Variants in NEMF observed in about 807,000 individuals in gnomAD.
NEMF encodes nuclear export mediator factor.
NEMF carries 89 observed loss-of-function variants against 162.2 expected under a neutral mutation model. That is an observed-to-expected ratio of 0.55 (90% CI 0.46 to 0.65). The LOEUF (loss-of-function observed/expected upper bound fraction) is 0.65. NEMF is among the 30% of genes least tolerant of loss of function. The probability of loss-of-function intolerance (pLI) is 0.00; values close to 1 mark genes in which losing one functional copy is unlikely to be tolerated. For missense variants in NEMF, 1,133 were observed against 1,261.9 expected, an observed-to-expected ratio of 0.90 and a Z score of 1.55; for synonymous variants, 421 against 404.5, an observed-to-expected ratio of 1.04 and a Z score of -0.49.
rs753864141 is a variant in NEMF, at chr14:49,840,911, T to C, written c.358-45A>G. On this transcript the variant is annotated intron_variant, in intron 4 of 32. Coordinates refer to ENST00000298310, the MANE Select transcript of NEMF (RefSeq NM_004713.6). ...AATTTAGCGCTCTTTCAAATAATTTTTGAGGCCAGGCACAGTGGCTCACAC... is the reference window on the plus strand; with the variant it reads ...AATTTAGCGCTCTTTCAAATAATTTCTGAGGCCAGGCACAGTGGCTCACAC... 4 of 1,568,052 alleles carry C rather than the reference T, an allele frequency of 2.6e-6. No homozygotes were observed. In the Admixed American group the frequency reaches 7.1e-5, roughly 28 times the overall value.
At chr14:49,795,464 C>T (rs1414932119) in intron 26 of NEMF, among the ~76,000 whole-genome samples, 1 of 152,170 alleles carries the variant, frequency 6.6e-6, no homozygotes, top group Non-Finnish European at 1.5e-5. Flanking sequence ...AGAACTCTAA[C>T]CAAAATCTAA....
chr14:49,815,740 G>A (rs188967965), intron 16 of NEMF, among the ~76,000 whole-genome samples: 143 of 152,184 alleles, frequency 9.4e-4, no homozygotes, highest in Middle Eastern at 6.8e-3. Flanking sequence ...CAAGGTGGGC[G>A]GATCACGAGC....
intron 25 of NEMF, among the ~76,000 whole-genome samples, chr14:49,799,207 CAAAAAAAAAAAAA>C (rs780442972): frequency 6.1e-4 from 36 of 59,068 alleles, no homozygotes; most frequent in African/African-American, 2.2e-3. Context: ...GACCCTGTTT[CAAAAAAAAAAAAA>C]AAAAAAAAAA....
rs1483784097 is a variant in NEMF at position 49,825,859 on chromosome 14, A to C, written c.1577+8T>G. The stretch of plus-strand genomic sequence containing the variant: ...AAAAACTGTATTTGAAAGAGACAGA[A>C]CACTTACCAATATACTTTTCTTGCT... On this transcript the variant is annotated splice_region_variant and intron_variant, in intron 16 of 32. Transcript: ENST00000298310. 6.5e-7 allele frequency: 1 copy of C among 1,527,196 alleles called. No homozygotes were observed. Among genetic ancestry groups the C allele is most frequent in the African/African-American group, 1.4e-5 (1 of 72,690 alleles). The allele number at this position is 1,527,196 out of a possible 1,614,324, so 94.6% of individuals were successfully genotyped here. A position where few individuals can be genotyped will look rare whatever the true frequency, so the allele number is the denominator to read the frequency against.
chr14:49,838,850 G>C (rs61982324), intron 5 of NEMF, among the ~76,000 whole-genome samples: 5 of 151,826 alleles, frequency 3.3e-5, no homozygotes, highest in South Asian at 4.2e-4. Flanking sequence ...TCCCAAAGCG[G>C]TGGGATTACA....
chr14:49,792,172 A>T (rs1300258201), intron 26 of NEMF, among the ~76,000 whole-genome samples: 1 of 151,850 alleles, frequency 6.6e-6, no homozygotes, highest in Non-Finnish European at 1.5e-5. Flanking sequence ...CACAAAACCC[A>T]AAACATTAGG....
intron 16 of NEMF, among the ~76,000 whole-genome samples, chr14:49,823,773 C>T (rs180810760): frequency 5.4e-4 from 82 of 152,260 alleles, no homozygotes; most frequent in African/African-American, 1.9e-3. Context: ...TAAAACATCA[C>T]CACCAACCCC....
chr14:49,798,077 T>C (rs1398768942), intron 25 of NEMF, among the ~76,000 whole-genome samples: 1 of 152,228 alleles, frequency 6.6e-6, no homozygotes, highest in Non-Finnish European at 1.5e-5. Flanking sequence ...CCTTTTGCCC[T>C]GACCTGCCAG....
rs1811045614 is a variant in NEMF at position 49,806,148 on chromosome 14, CATA to C, written c.1745-18_1745-16del. On this transcript the variant is annotated splice_polypyrimidine_tract_variant and intron_variant, in intron 18 of 32. Transcript: ENST00000298310. ...GATGGGTTCTCCTAGAATAACAATG[CATA>C]ATGTTTCAATACCAAAGTATGGACT... 1 of 1,579,332 alleles carries C rather than the reference CATA, an allele frequency of 6.3e-7. No homozygotes were observed. The highest frequency in any genetic ancestry group is 8.6e-7 in the Non-Finnish European group (1 of 1,157,100).
Position 49,829,259 on chromosome 14 carries a change from T to C in NEMF, c.1027A>G (p.Ile343Val), listed in dbSNP as rs778823374. Reference sequence around the variant, plus strand: ...ATGAGCTCTCCTTTCAGTTTGTCTATTTCCTTAAAAAACAAACCACACACA... The same window carrying C: ...ATGAGCTCTCCTTTCAGTTTGTCTACTTCCTTAAAAAACAAACCACACACA... Reference protein sequence around the residue: ...RLEALQQAQEIDKLKGELIEM... With the variant: ...RLEALQQAQEVDKLKGELIEM... Residue 343 changes from isoleucine to valine, a missense_variant, in exon 13 of 33, where the codon ATA becomes GTA. Ile to Val is a conservative substitution (Grantham distance 29). This residue lies in a region of NEMF where 582 missense variants were observed against 631.5 expected (regional missense o/e 0.92). Coordinates refer to ENST00000298310, the MANE Select transcript of NEMF (RefSeq NM_004713.6). The C allele has an allele frequency of 2.5e-5, 41 of 1,613,972 alleles. No homozygotes were observed. In the East Asian group the frequency reaches 8.5e-4, roughly 33 times the overall value.
intron 15 of NEMF, among the ~76,000 whole-genome samples, chr14:49,827,685 C>CAT (rs1892428614): frequency 6.6e-6 from 1 of 151,972 alleles, no homozygotes; most frequent in Admixed American, 6.6e-5. Flanking sequence ...TGGTGGCGGG[C>CAT]GCCTGTAATC....
intron 3 of NEMF, among the ~76,000 whole-genome samples, chr14:49,850,567 C>T (rs1456957288): frequency 6.6e-6 from 1 of 152,044 alleles, no homozygotes; most frequent in Non-Finnish European, 1.5e-5. Context: ...TCGAAAGTCT[C>T]GTGTACCACA....
At chr14:49,800,851 A>G in intron 22 of NEMF, 155 bp from the exon 23 acceptor site, 1 of 653,810 alleles carries the variant, frequency 1.5e-6, no homozygotes, top group Non-Finnish European at 2.6e-6. Context: ...ACTCTTAGAC[A>G]AAAGAATAAC....
At chr14:49,838,363 TAA>T (rs1893011165) in intron 5 of NEMF, among the ~76,000 whole-genome samples, 157 bp from the exon 6 acceptor site, 1 of 152,310 alleles carries the variant, frequency 6.6e-6, no homozygotes, top group African/African-American at 2.4e-5. Flanking sequence ...AAATGGATCA[TAA>T]AAGATATTTA....
chr14:49,791,347 G>T (rs891973180), intron 26 of NEMF, among the ~76,000 whole-genome samples: 1 of 150,072 alleles, frequency 6.7e-6, no homozygotes, highest in Non-Finnish European at 1.5e-5. Flanking sequence ...CAGAAAAAAA[G>T]AAACTGGCAA....
intron 3 of NEMF, among the ~76,000 whole-genome samples, chr14:49,850,405 A>G (rs1293871144): frequency 6.6e-6 from 1 of 152,188 alleles, no homozygotes; most frequent in East Asian, 1.9e-4. Context: ...GGTGTTTTAT[A>G]TATCATTTCA....
At chr14:49,847,268 C>G (rs1893550839) in intron 3 of NEMF, among the ~76,000 whole-genome samples, 1 of 152,042 alleles carries the variant, frequency 6.6e-6, no homozygotes, top group African/African-American at 2.4e-5. Flanking sequence ...GTAGCACAAT[C>G]TTGGCTCACT....
At chr14:49,812,699 C>T (rs946353752) in intron 18 of NEMF, among the ~76,000 whole-genome samples, 4 of 152,076 alleles carry the variant, frequency 2.6e-5, no homozygotes, top group African/African-American at 9.7e-5. Context: ...CACATACTTA[C>T]GAATTTAAAA....
intron 16 of NEMF, among the ~76,000 whole-genome samples, chr14:49,824,825 T>G (rs1401255511): frequency 6.6e-6 from 1 of 152,094 alleles, no homozygotes; most frequent in African/African-American, 2.4e-5. Context: ...GAACACACAC[T>G]CTTTCAACCA....
Sources: allele counts gnomAD v4.1 joint callset (sites outside exome capture counted in the v4.1 genomes callset), GRCh38; gene constraint gnomAD v4.1.1; regional missense constraint gnomAD v4.1.1; transcripts MANE v1.5; gene names NCBI Gene and HGNC (gene_info 2026-07-23, HGNC 2026-07-21).